The following TPRA1 variants were observed in gnomAD, a reference collection of about 807,000 sequenced individuals.
The protein encoded by TPRA1 is transmembrane protein adipocyte-associated 1.
In TPRA1, 28 loss-of-function variants were observed where a neutral mutation model predicts 40.1. The ratio of observed to expected loss-of-function variants is 0.70; its 90% CI spans 0.52 to 0.96. The LOEUF (loss-of-function observed/expected upper bound fraction) is 0.96. Ranked by LOEUF, TPRA1 falls within the 40% of genes least tolerant of loss-of-function variation. The pLI, the probability that TPRA1 is intolerant of heterozygous loss-of-function variation, is 0.00. For missense variants in TPRA1, 441 were observed against 482.6 expected (o/e 0.91, Z 0.81); for synonymous variants, 219 against 209.7 (o/e 1.04, Z -0.38).
intron 10 of TPRA1, among the ~76,000 whole-genome samples, chr3:127,574,397 C>A (rs1211241150): frequency 6.6e-6 from 1 of 152,224 alleles, no homozygotes; most frequent in Non-Finnish European, 1.5e-5. Context: ...CACCCACATT[C>A]CGACCACATT....
In TPRA1 at chr3:127,576,103, T is replaced by C. The variant is rs779993117; in HGVS notation, c.499-53A>G. On this transcript the variant is annotated intron_variant, in intron 6 of 10. Transcript: ENST00000355552. This position sits in a 1 kb window ranked among gnomAD's most constrained non-coding sequence, Gnocchi z 4.6. ...GGGAGAGGATCTCAAGGCTTCTCTCTCCCAGGGGCTTTCCCTGATGCAAAG... is the reference window on the plus strand; with the variant it reads ...GGGAGAGGATCTCAAGGCTTCTCTCCCCCAGGGGCTTTCCCTGATGCAAAG... 16 of 1,427,816 alleles carry C rather than the reference T, an allele frequency of 1.1e-5. No individual in the cohort carries two copies. The African/African-American group carries it at 2.1e-4, about 19-fold the overall frequency. The allele number at this position is 1,427,816 out of a possible 1,614,324, so 88.4% of individuals were successfully genotyped here.
intron 3 of TPRA1, among the ~76,000 whole-genome samples, chr3:127,578,662 C>T (rs2073726340): frequency 6.6e-6 from 1 of 152,184 alleles, no homozygotes; most frequent in Non-Finnish European, 1.5e-5. Context: ...GAAAGCAGGC[C>T]TCAGTTCCCA....
At chr3:127,588,389 CA>C (rs1453355781) in intron 1 of TPRA1, among the ~76,000 whole-genome samples, 1 of 150,272 alleles carries the variant, frequency 6.7e-6, no homozygotes, top group Admixed American at 6.6e-5. Context: ...CATTACGTAT[CA>C]AAGCTTAGGA....
chr3:127,575,903 G>GCCCCAGCCA, intron 7 of TPRA1, 37 bp downstream of exon 7: 2 of 1,611,670 alleles, frequency 1.2e-6, no homozygotes, highest in Non-Finnish European at 1.7e-6. Context: ...TGGCCCTAAG[G>GCCCCAGCCA]CCCCAGCCAC....
chr3:127,583,811 C>T (rs2073909959), intron 1 of TPRA1, among the ~76,000 whole-genome samples: 1 of 152,014 alleles, frequency 6.6e-6, no homozygotes, highest in Admixed American at 6.6e-5. Flanking sequence ...GCTGGGGCTA[C>T]AGGCACGTGC....
rs1266405931 is a variant in TPRA1, at chr3:127,571,796, T to C, written c.*1725A>G. 6.6e-6 allele frequency: 1 copy of C among 152,180 alleles called. No homozygotes were observed. The highest frequency in any genetic ancestry group is 1.5e-5 in the Non-Finnish European group (1 of 68,038). 9.4% of individuals were successfully genotyped at this position (152,180 alleles called of 1,614,324 possible). A position where few individuals can be genotyped will look rare whatever the true frequency, so the allele number is the denominator to read the frequency against. On this transcript the variant is annotated 3_prime_UTR_variant, in exon 11 of 11. Coordinates refer to ENST00000355552, the MANE Select transcript of TPRA1 (RefSeq NM_001136053.4). ...TGTACTGCATGAACCTTTTTTTTTC[T>C]TGCCATGTACATATATGACCTATTT...
In TPRA1 at chr3:127,573,722, G is replaced by A. The variant is rs867085107; in HGVS notation, c.921C>T (p.His307=). The A allele has an allele frequency of 3.7e-6, 6 of 1,608,018 alleles. No individual in the cohort carries two copies. The highest frequency in any genetic ancestry group is 4.5e-5 in the East Asian group (2 of 44,666). Reference sequence around the variant, plus strand: ...GGGCCACAGCGTAGGGCTGGGGTAGGTGTACATCTGGCTCCTCTGTCTCGT... The same window carrying A: ...GGGCCACAGCGTAGGGCTGGGGTAGATGTACATCTGGCTCCTCTGTCTCGT... ...QVDETEEPDV[H]LPQPYAVARR... The change falls in exon 11 of 11, where the codon CAC becomes CAT. Residue 307 remains histidine, a synonymous_variant. Coordinates refer to ENST00000355552, the MANE Select transcript of TPRA1 (RefSeq NM_001136053.4).
intron 9 of TPRA1, 38 bp from the exon 10 acceptor site, chr3:127,575,303 C>T (rs1320044713): frequency 6.2e-7 from 1 of 1,604,002 alleles, no homozygotes; most frequent in Admixed American, 1.7e-5. Context: ...CCTCCTAGCC[C>T]CATGCTGACT....
At chr3:127,573,912 T>A in intron 10 of TPRA1, 124 bp from the exon 11 acceptor site, 8 of 1,249,674 alleles carry the variant, frequency 6.4e-6, no homozygotes, top group African/African-American at 1.5e-5. Flanking sequence ...ACACCCACTC[T>A]GAGTGGGCCT....
intron 1 of TPRA1, among the ~76,000 whole-genome samples, chr3:127,586,662 C>T (rs2074011025): frequency 6.6e-6 from 1 of 152,174 alleles, no homozygotes; most frequent in African/African-American, 2.4e-5. Context: ...ACCAGCTATC[C>T]CCACCCCTAT....
In TPRA1 at chr3:127,575,438, A is replaced by G; in HGVS notation, c.738T>C (p.Ser246=). ...CGATGATGTCGAAGCACAGCAGCAC[A>G]CTCCCCAGCCCCTGCAGTAGGTTGA... ...ALLNLLQGLG[S]VLLCFDIIEG... is the part of the protein sequence containing the mutation. Residue 246 remains serine, a synonymous_variant, in exon 9 of 11, where the codon AGT becomes AGC. Coordinates refer to ENST00000355552, the MANE Select transcript of TPRA1 (RefSeq NM_001136053.4). The G allele has an allele frequency of 6.2e-7, 1 of 1,601,134 alleles. No homozygotes were observed. The highest frequency in any genetic ancestry group is 8.5e-7 in the Non-Finnish European group (1 of 1,174,188).
At position 127,573,522 on chromosome 3, in the gene TPRA1, C is replaced by G. The variant is rs2073444022; in HGVS notation, c.1121G>C (p.Ter374SerextTer78). 1.9e-6 allele frequency: 3 copies of G among 1,610,070 alleles called. No individual in the cohort carries two copies. The highest frequency in any genetic ancestry group is 1.7e-5 in the Admixed American group (1 of 59,960). Residue 374 changes from the stop codon to serine, a stop_lost, in exon 11 of 11, where the codon TGA becomes TCA. Transcript: ENST00000355552. The stretch of plus-strand genomic sequence containing the variant: ...CTCCACAGGCCCTGGCAGCTGCCCT[C>G]AGGCATTGATGGCCTTCCAGCGCTC... ...DSERWKAINA[*>S]
At chr3:127,579,659 AT>A (rs1324500256) in intron 3 of TPRA1, 80 bp downstream of exon 3, 2 of 1,496,204 alleles carry the variant, frequency 1.3e-6, no homozygotes, top group East Asian at 2.4e-5. Flanking sequence ...CCTGAAGCTT[AT>A]TTTCATTATA....
Position 127,571,464 on chromosome 3 carries a change from GATGT to G in TPRA1, c.*2053_*2056del, listed in dbSNP as rs766016679. The G allele has an allele frequency of 5.3e-5, 8 of 152,204 alleles. No homozygotes were observed. The highest frequency in any genetic ancestry group is 1.0e-4 in the Non-Finnish European group (7 of 68,030). The allele number at this position is 152,204 out of a possible 1,614,324, so 9.4% of individuals were successfully genotyped here. A position where few individuals can be genotyped will look rare whatever the true frequency, so the allele number is the denominator to read the frequency against. Reference sequence around the variant, plus strand: ...CAAAAGCAAATTTATAAGGATTGTTGATGTTGCCTTGTTTGTTGTTGCAAAATTT... The same window carrying G: ...CAAAAGCAAATTTATAAGGATTGTTGTGCCTTGTTTGTTGTTGCAAAATTT... On this transcript the variant is annotated 3_prime_UTR_variant, in exon 11 of 11. Transcript: ENST00000355552.
Position 127,575,252 on chromosome 3 carries a change from T to C in TPRA1, c.787A>G (p.Thr263Ala). Residue 263 changes from threonine (T) to alanine (A), a missense_variant, in exon 10 of 11, where the codon ACA becomes GCA. By Grantham distance (58) the Thr-to-Ala change is moderately conservative. Transcript: ENST00000355552. ...IIEGLCCVDA[T>A]TFLYFSFFAP... ...AAGAAGCTGAAGTACAGGAAGGTTGTGGCATCTACACAGCTGCGGAGAAGG... is the reference window on the plus strand; with the variant it reads ...AAGAAGCTGAAGTACAGGAAGGTTGCGGCATCTACACAGCTGCGGAGAAGG... The C allele has an allele frequency of 1.2e-6, 2 of 1,613,762 alleles. No individual in the cohort carries two copies. Among genetic ancestry groups the C allele is most frequent in the Non-Finnish European group, 1.7e-6 (2 of 1,179,868 alleles).
rs571147129 is a variant in TPRA1, at chr3:127,586,239, G to A, written c.-18+4171C>T. ...CGGGTGTGCAGCGCGCCTCCTGCAT[G>A]ACTTCTGGTGGCATGAGATAATAAC... On this transcript the variant is annotated intron_variant, in intron 1 of 10. Transcript: ENST00000355552. Among the ~76,000 whole-genome samples, 22 of 152,338 alleles carry A rather than the reference G, an allele frequency of 1.4e-4. No homozygotes were observed. The East Asian group carries it at 3.9e-3, about 27-fold the overall frequency.
chr3:127,582,571 G>A (rs927754813), intron 1 of TPRA1, among the ~76,000 whole-genome samples: 5 of 151,166 alleles, frequency 3.3e-5, no homozygotes, highest in African/African-American at 9.7e-5. Flanking sequence ...GCATGGTGGC[G>A]TCCAGCTGTA....
At chr3:127,584,834 T>G (rs982937145) in intron 1 of TPRA1, among the ~76,000 whole-genome samples, 1 of 152,178 alleles carries the variant, frequency 6.6e-6, no homozygotes, top group Non-Finnish European at 1.5e-5. Context: ...AAGAACTTTT[T>G]TTTTGTTATA....
At chr3:127,597,639 G>C (rs566954822) in intron 1 of TPRA1, among the ~76,000 whole-genome samples, 5 of 152,204 alleles carry the variant, frequency 3.3e-5, no homozygotes, top group Admixed American at 2.0e-4. Flanking sequence ...CTGCGTCTTC[G>C]CTCCCCTGGG....
Sources: allele counts gnomAD v4.1 joint callset (sites outside exome capture counted in the v4.1 genomes callset), GRCh38; gene constraint gnomAD v4.1.1; non-coding constraint Gnocchi (gnomAD v3.1); transcripts MANE v1.5; gene names NCBI Gene and HGNC (gene_info 2026-07-23, HGNC 2026-07-21).